The following TBC1D4 variants were observed in gnomAD, a reference collection of about 807,000 sequenced individuals.
TBC1D4 encodes the protein TBC1 domain family member 4, also known as TBC (Tre-2, BUB2, CDC16) domain-containing protein.
Under a neutral mutation model 142.5 loss-of-function variants are expected in TBC1D4, and 121 were observed. The observed-to-expected ratio is 0.85, with a 90% CI of 0.73 to 0.99. The LOEUF is 0.99. Ranked by LOEUF, TBC1D4 falls within the 50% of genes least tolerant of loss-of-function variation. TBC1D4 has a pLI of 0.00. For missense variants in TBC1D4, 1,475 were observed against 1,606.6 expected, an observed-to-expected ratio of 0.92 and a Z score of 1.40; for synonymous variants, 630 against 628.2, an observed-to-expected ratio of 1.00 and a Z score of -0.04.
At chr13:75,388,289 C>T (rs1884293456) in intron 1 of TBC1D4, among the ~76,000 whole-genome samples, 1 of 152,154 alleles carries the variant, frequency 6.6e-6, no homozygotes, top group Admixed American at 6.5e-5. Flanking sequence ...TTCATAGGTT[C>T]CTGGGATGAA....
chr13:75,328,102 C>T (rs1879432610), intron 8 of TBC1D4, among the ~76,000 whole-genome samples: 1 of 152,068 alleles, frequency 6.6e-6, no homozygotes, highest in African/African-American at 2.4e-5. Context: ...GTTATTCATC[C>T]ATAAGTTCAG....
At chr13:75,452,966 C>T (rs1361269644) in intron 1 of TBC1D4, among the ~76,000 whole-genome samples, 3 of 152,034 alleles carry the variant, frequency 2.0e-5, no homozygotes, top group African/African-American at 7.2e-5. Context: ...GTTTAATAAA[C>T]CCATAAAATT....
chr13:75,318,972 G>A (rs1683002842), intron 12 of TBC1D4, among the ~76,000 whole-genome samples: 1 of 152,230 alleles, frequency 6.6e-6, no homozygotes, highest in Admixed American at 6.5e-5. Flanking sequence ...ATCTATCCAT[G>A]TGTAAAATAA....
intron 11 of TBC1D4, among the ~76,000 whole-genome samples, chr13:75,320,966 G>A (rs1013690844): frequency 6.6e-6 from 1 of 151,404 alleles, no homozygotes; most frequent in Non-Finnish European, 1.5e-5. Context: ...CGTGAACCCG[G>A]GAGGCGGAGC....
At chr13:75,467,723 G>T (rs1011630288) in intron 1 of TBC1D4, among the ~76,000 whole-genome samples, 13 of 152,120 alleles carry the variant, frequency 8.5e-5, no homozygotes, top group African/African-American at 2.9e-4. Flanking sequence ...CAACCCACAA[G>T]AATACTGCAG....
At chr13:75,444,107 A>G (rs1887169093) in intron 1 of TBC1D4, among the ~76,000 whole-genome samples, 1 of 152,116 alleles carries the variant, frequency 6.6e-6, no homozygotes, top group African/African-American at 2.4e-5. Flanking sequence ...ATGTAGCTGT[A>G]AGAAGCAAAT....
At chr13:75,364,806 T>A (rs1015960520) in intron 1 of TBC1D4, among the ~76,000 whole-genome samples, 2 of 152,252 alleles carry the variant, frequency 1.3e-5, no homozygotes, top group African/African-American at 4.8e-5. Flanking sequence ...TTTCATCTAA[T>A]TTTTAACCCA....
rs976462542 is a variant in TBC1D4 at position 75,302,314 on chromosome 13, G to A, written c.2840C>T (p.Pro947Leu). Residue 947 changes from proline (P) to leucine (L), a missense_variant, in exon 16 of 21, where the codon CCT (proline) becomes CTT (leucine). Pro to Leu is a moderately conservative substitution (Grantham distance 98). This residue lies in a region of TBC1D4 where 1,227 missense variants were observed against 1,267.7 expected (regional missense o/e 0.97). Coordinates refer to ENST00000377636, the MANE Select transcript of TBC1D4 (RefSeq NM_014832.5). ...AAGTTCCTTATAGGATATGTCAGGA[G>A]GCTGTTGTTTATTAGGCAATCTGTG... ...LRHRLPNKQQ[P>L]PDISYKELLK... 2.5e-6 allele frequency: 4 copies of A among 1,614,080 alleles called. No individual in the cohort carries two copies. The highest frequency in any genetic ancestry group is 3.4e-6 in the Non-Finnish European group (4 of 1,180,052).
intron 1 of TBC1D4, chr13:75,377,303 C>G (rs767759366): frequency 6.6e-5 from 10 of 152,154 alleles, no homozygotes; most frequent in African/African-American, 2.4e-5. Flanking sequence ...CTAGGGCCAT[C>G]TGCTACTTGT....
At position 75,288,858 on chromosome 13, in the gene TBC1D4, C is replaced by T. The variant is rs1194708238; in HGVS notation, c.3663+76G>A. ...CAATGGTTCATTCCACGCACATATC[C>T]CTTTCATTCCTGAGGTAGTTCTGTG... On this transcript the variant is annotated intron_variant, in intron 20 of 20. Transcript: ENST00000377636. 6 of 1,451,976 alleles carry T rather than the reference C, an allele frequency of 4.1e-6. No homozygotes were observed. The African/African-American group carries it at 7.0e-5, about 17-fold the overall frequency. The allele number at this position is 1,451,976 out of a possible 1,614,324, so 89.9% of individuals were successfully genotyped here.
At chr13:75,334,660 T>C (rs1342595912) in intron 8 of TBC1D4, among the ~76,000 whole-genome samples, 1 of 152,016 alleles carries the variant, frequency 6.6e-6, no homozygotes, top group Non-Finnish European at 1.5e-5. Context: ...CTCAGCTCAC[T>C]GCAACCCCTG....
chr13:75,452,695 A>T (rs1887579096), intron 1 of TBC1D4, among the ~76,000 whole-genome samples: 1 of 152,234 alleles, frequency 6.6e-6, no homozygotes, highest in South Asian at 2.1e-4. Context: ...AACTGGTGAA[A>T]GTTGAACTAT....
Position 75,298,644 on chromosome 13 carries a change from T to C in TBC1D4, c.3156+686A>G, listed in dbSNP as rs541862335. On this transcript the variant is annotated intron_variant, in intron 17 of 20. Coordinates refer to ENST00000377636, the MANE Select transcript of TBC1D4 (RefSeq NM_014832.5). ...GGCACCTGCCTGTAATCCCAGCTAC[T>C]GGGGAGGCTGAGGCAGCAGAATGGC... Among the ~76,000 whole-genome samples, 11 of 152,134 alleles carry C rather than the reference T, an allele frequency of 7.2e-5. No homozygotes were observed. The South Asian group carries it at 2.3e-3, about 32-fold the overall frequency.
intron 2 of TBC1D4, among the ~76,000 whole-genome samples, chr13:75,360,681 A>C (rs1882431336): frequency 1.3e-5 from 2 of 152,218 alleles, no homozygotes; most frequent in Non-Finnish European, 2.9e-5. Flanking sequence ...ATATGGAGCC[A>C]CATTTGTGTT....
intron 1 of TBC1D4, among the ~76,000 whole-genome samples, chr13:75,421,774 C>T (rs776457084): frequency 6.6e-6 from 1 of 152,154 alleles, no homozygotes; most frequent in African/African-American, 2.4e-5. Context: ...AAAGTGACAA[C>T]TTTCTTAACA....
At chr13:75,462,894 T>A (rs1022237083) in intron 1 of TBC1D4, among the ~76,000 whole-genome samples, 1 of 151,970 alleles carries the variant, frequency 6.6e-6, no homozygotes, top group African/African-American at 2.4e-5. Flanking sequence ...CCTCTTACCA[T>A]CTGACAACAG....
At chr13:75,397,546 A>C (rs1248817316) in intron 1 of TBC1D4, among the ~76,000 whole-genome samples, 1 of 152,214 alleles carries the variant, frequency 6.6e-6, no homozygotes. Flanking sequence ...CAAGGAGAGA[A>C]AAGATAAGTC....
At chr13:75,467,449 T>C (rs1029988691) in intron 1 of TBC1D4, among the ~76,000 whole-genome samples, 1 of 152,152 alleles carries the variant, frequency 6.6e-6, no homozygotes, top group Non-Finnish European at 1.5e-5. Flanking sequence ...GCTTCATCAA[T>C]GGTGTAAAAA....
At chr13:75,377,997 C>T (rs1008606038) in intron 1 of TBC1D4, among the ~76,000 whole-genome samples, 6 of 151,824 alleles carry the variant, frequency 4.0e-5, no homozygotes, top group Non-Finnish European at 8.8e-5. Context: ...GGTTTCATAC[C>T]TTAAAAGTTT....
Sources: allele counts gnomAD v4.1 joint callset (sites outside exome capture counted in the v4.1 genomes callset), GRCh38; gene constraint gnomAD v4.1.1; regional missense constraint gnomAD v4.1.1; transcripts MANE v1.5; gene names NCBI Gene and HGNC (gene_info 2026-07-23, HGNC 2026-07-21).